The following PHF21A variants were observed in gnomAD, a reference collection of about 807,000 sequenced individuals.
PHF21A encodes PHD finger protein 21A.
In PHF21A, 11 loss-of-function variants were observed where a neutral mutation model predicts 82.5. That is an observed-to-expected ratio of 0.13 (90% CI 0.08 to 0.22). The LOEUF is 0.22. Among genes scored for constraint, PHF21A ranks in the 10% least tolerant of loss-of-function variants. PHF21A has a pLI of 1.00. For synonymous variants in PHF21A, 297 were observed against 302.8 expected (o/e 0.98, Z 0.20); for missense variants, 579 against 837.8 (o/e 0.69, Z 3.81).
chr11:46,074,796 C>T (rs544179424), intron 6 of PHF21A, among the ~76,000 whole-genome samples: 1 of 152,148 alleles, frequency 6.6e-6, no homozygotes, highest in South Asian at 2.1e-4. Context: ...AGCCACCGTG[C>T]CTGGCCAATA....
chr11:46,074,524 A>G (rs2096702526), intron 6 of PHF21A, among the ~76,000 whole-genome samples: 1 of 151,994 alleles, frequency 6.6e-6, no homozygotes, highest in Non-Finnish European at 1.5e-5. Flanking sequence ...TTTTTTTGAG[A>G]TGGAGTCTTG....
At chr11:46,106,864 T>C (rs2097158023) in intron 1 of PHF21A, among the ~76,000 whole-genome samples, 1 of 152,260 alleles carries the variant, frequency 6.6e-6, no homozygotes, top group African/African-American at 2.4e-5. Context: ...TTTATATTTC[T>C]GTCTTTTAAA....
At chr11:45,954,898 T>C (rs1429944857) in intron 10 of PHF21A, among the ~76,000 whole-genome samples, 1 of 152,152 alleles carries the variant, frequency 6.6e-6, no homozygotes, top group East Asian at 1.9e-4. Context: ...TCAAAAATCA[T>C]TATGCTGGAA....
At chr11:46,000,581 T>G (rs2095087305) in intron 6 of PHF21A, among the ~76,000 whole-genome samples, 1 of 152,216 alleles carries the variant, frequency 6.6e-6, no homozygotes, top group African/African-American at 2.4e-5. Flanking sequence ...CAAATTCAAT[T>G]GTCTAATGAT....
intron 6 of PHF21A, 61 bp downstream of exon 6, chr11:46,076,693 C>T (rs1274880613): frequency 5.2e-6 from 7 of 1,334,454 alleles, no homozygotes; most frequent in African/African-American, 1.4e-5. Context: ...TTAGAAGCCT[C>T]GAGCAGACAT....
intron 1 of PHF21A, among the ~76,000 whole-genome samples, chr11:46,115,031 G>C (rs1000500029): frequency 6.6e-6 from 1 of 152,172 alleles, no homozygotes; most frequent in Non-Finnish European, 1.5e-5. Flanking sequence ...CTTAGAAAAG[G>C]CAGAAAACAT....
chr11:46,032,680 A>G (rs1325538018), intron 6 of PHF21A, among the ~76,000 whole-genome samples: 1 of 152,166 alleles, frequency 6.6e-6, no homozygotes. Context: ...TCATCAATAG[A>G]GTAAGGACTG....
At chr11:45,943,824 G>A (rs974165111) in intron 15 of PHF21A, among the ~76,000 whole-genome samples, 5 of 152,086 alleles carry the variant, frequency 3.3e-5, no homozygotes, top group Admixed American at 2.6e-4. Context: ...CTGACAACAC[G>A]TGCCCCCTGC....
At chr11:46,098,179 A>G (rs927390190) in intron 1 of PHF21A, among the ~76,000 whole-genome samples, 3 of 152,228 alleles carry the variant, frequency 2.0e-5, no homozygotes, top group African/African-American at 7.2e-5. Flanking sequence ...CCAGATGACT[A>G]GCTAAAATCT....
intron 6 of PHF21A, among the ~76,000 whole-genome samples, chr11:45,997,253 C>T (rs1005493133): frequency 3.3e-5 from 5 of 152,160 alleles, no homozygotes; most frequent in Non-Finnish European, 5.9e-5. Context: ...TTGCTTAATA[C>T]CATTACAAAC....
At chr11:45,952,861 T>G (rs1285198465) in intron 11 of PHF21A, among the ~76,000 whole-genome samples, 1 of 152,268 alleles carries the variant, frequency 6.6e-6, no homozygotes, top group Non-Finnish European at 1.5e-5. Flanking sequence ...TTTCCATTTA[T>G]AGCTGCTTAT....
At chr11:46,008,622 G>A (rs568505188) in intron 6 of PHF21A, among the ~76,000 whole-genome samples, 1 of 152,176 alleles carries the variant, frequency 6.6e-6, no homozygotes, top group South Asian at 2.1e-4. Flanking sequence ...AATGTGACTC[G>A]GTTTTGTGTA....
intron 4 of PHF21A, among the ~76,000 whole-genome samples, chr11:46,079,905 G>A (rs1365878018): frequency 1.3e-5 from 2 of 151,746 alleles, no homozygotes; most frequent in African/African-American, 4.8e-5. Flanking sequence ...GGAAAGGAAA[G>A]GAAGAAAAAT....
chr11:46,075,129 T>C (rs1355660652), intron 6 of PHF21A, among the ~76,000 whole-genome samples: 1 of 152,212 alleles, frequency 6.6e-6, no homozygotes, highest in African/African-American at 2.4e-5. Context: ...TGTCTTAACA[T>C]AGATAGTTGC....
chr11:46,068,702 T>C (rs1443329434), intron 6 of PHF21A, among the ~76,000 whole-genome samples: 1 of 152,074 alleles, frequency 6.6e-6, no homozygotes, highest in Admixed American at 6.6e-5. Flanking sequence ...AGTCAGTAGA[T>C]TCTAGTAGCC....
chr11:46,087,569 T>C (rs1051774276), intron 3 of PHF21A, among the ~76,000 whole-genome samples: 1 of 152,222 alleles, frequency 6.6e-6, no homozygotes, highest in African/African-American at 2.4e-5. Flanking sequence ...TTCAGAAAGA[T>C]CTCTTTCTGG....
chr11:46,045,439 T>C (rs556831784), intron 6 of PHF21A, among the ~76,000 whole-genome samples: 3 of 152,146 alleles, frequency 2.0e-5, no homozygotes, highest in Non-Finnish European at 2.9e-5. Context: ...AACAGAGAGG[T>C]TGTCTGATCC....
intron 6 of PHF21A, among the ~76,000 whole-genome samples, chr11:46,019,823 T>C (rs943129579): frequency 1.3e-5 from 2 of 152,110 alleles, no homozygotes; most frequent in Admixed American, 6.6e-5. Context: ...GTAAGAAATA[T>C]TACATCTGTG....
chr11:46,115,656 A>C (rs1210972888), intron 1 of PHF21A, among the ~76,000 whole-genome samples: 1 of 152,186 alleles, frequency 6.6e-6, no homozygotes, highest in Non-Finnish European at 1.5e-5. Context: ...AATCATTAAT[A>C]TTTCCCAGCA....
Sources: allele counts gnomAD v4.1 joint callset (sites outside exome capture counted in the v4.1 genomes callset), GRCh38; gene constraint gnomAD v4.1.1; transcripts MANE v1.5; gene names NCBI Gene and HGNC (gene_info 2026-07-23, HGNC 2026-07-21).